FSIP2: variants seen among roughly 807,000 people sequenced by gnomAD.
FSIP2 encodes the protein fibrous sheath interacting protein 2.
In FSIP2, 367 loss-of-function variants were observed where a neutral mutation model predicts 510.5. The observed-to-expected ratio is 0.72, with a 90% CI of 0.66 to 0.78. The LOEUF (loss-of-function observed/expected upper bound fraction) is 0.78, where lower values mean the gene tolerates loss of function less well. FSIP2 is among the 30% of genes least tolerant of loss of function. The pLI, the probability that FSIP2 is intolerant of heterozygous loss-of-function variation, is 0.00. For missense variants in FSIP2, 7,594 were observed against 7,901.7 expected (o/e 0.96, Z 1.48); for synonymous variants, 2,601 against 2,732.2 (o/e 0.95, Z 1.50).
chr2:185,779,011 T>G lies in FSIP2; in HGVS notation c.1412-3694T>G, dbSNP rs1692785421. Among the ~76,000 whole-genome samples, 3 of 151,962 alleles carry G rather than the reference T, an allele frequency of 2.0e-5. No individual in the cohort carries two copies. In the South Asian group the frequency reaches 6.2e-4, roughly 31 times the overall value. Reference sequence around the variant, plus strand: ...GCAGTGACCTTTACCATAAGTTATGTTTTTTGCCTTAAATGTGTCTAATAT... The same window carrying G: ...GCAGTGACCTTTACCATAAGTTATGGTTTTTGCCTTAAATGTGTCTAATAT... On this transcript the variant is annotated intron_variant, in intron 13 of 22. Coordinates refer to ENST00000424728, the MANE Select transcript of FSIP2 (RefSeq NM_173651.4).
At position 185,796,870 on chromosome 2, in the gene FSIP2, G is replaced by C. The variant is rs747706343; in HGVS notation, c.9734G>C (p.Arg3245Thr). 220 of 1,534,936 alleles carry C rather than the reference G, an allele frequency of 1.4e-4. No individual in the cohort carries two copies. Among genetic ancestry groups the C allele is most frequent in the Non-Finnish European group, 1.9e-4 (217 of 1,146,240 alleles). Residue 3245 changes from arginine to threonine, a missense_variant, in exon 16 of 23, where the codon AGA (arginine) becomes ACA (threonine). Physicochemically the swap from Arg to Thr is moderately conservative, Grantham distance 71 (BLOSUM62 -1). Coordinates refer to ENST00000424728, the MANE Select transcript of FSIP2 (RefSeq NM_173651.4). Reference protein sequence around the residue: ...CSTRNKVQDHRPRESNFGSFD... With the variant: ...CSTRNKVQDHTPRESNFGSFD... ...ACTAGAAACAAAGTACAAGACCACAGACCAAGGGAATCTAACTTTGGTAGT... is the reference window on the plus strand; with the variant it reads ...ACTAGAAACAAAGTACAAGACCACACACCAAGGGAATCTAACTTTGGTAGT...
Position 185,792,946 on chromosome 2 carries a change from A to G in FSIP2, c.5810A>G (p.Lys1937Arg). Reference protein sequence around the residue: ...NLETFATSKVKSLFYSQVNFT... With the variant: ...NLETFATSKVRSLFYSQVNFT... ...GAAACTTTTGCTACTTCCAAAGTAA[A>G]ATCTCTCTTTTATTCTCAAGTCAAC... is the stretch of plus-strand genomic sequence containing the variant. Residue 1937 changes from lysine to arginine, a missense_variant, in exon 16 of 23, where the codon AAA becomes AGA. Coordinates refer to ENST00000424728, the MANE Select transcript of FSIP2 (RefSeq NM_173651.4). The G allele has an allele frequency of 6.5e-7, 1 of 1,534,284 alleles. No homozygotes were observed. Among genetic ancestry groups the G allele is most frequent in the South Asian group, 1.2e-5 (1 of 84,042 alleles).
rs970955671 is a variant in FSIP2 at position 185,794,165 on chromosome 2, A to G, written c.7029A>G (p.Leu2343=). 9.1e-6 allele frequency: 14 copies of G among 1,534,210 alleles called. No individual in the cohort carries two copies. The Admixed American group carries it at 1.6e-4, about 17-fold the overall frequency. Reference sequence around the variant, plus strand: ...AAAAACTTGGATCCACAATTCACCTATCGCAAGCTAGGCTTAAGACATATG... The same window carrying G: ...AAAAACTTGGATCCACAATTCACCTGTCGCAAGCTAGGCTTAAGACATATG... ...RREKLGSTIH[L]SQARLKTYAD... is the part of the protein sequence containing the mutation. Residue 2343 remains leucine, a synonymous_variant, in exon 16 of 23, where the codon CTA becomes CTG. Coordinates refer to ENST00000424728, the MANE Select transcript of FSIP2 (RefSeq NM_173651.4).
At chr2:185,744,519 AG>A (rs2105530085) in intron 4 of FSIP2, 108 bp downstream of exon 4, 1 of 263,764 alleles carries the variant, frequency 3.8e-6, no homozygotes, top group East Asian at 5.9e-5. Context: ...TTATTGACAA[AG>A]TAATTGAATA....
At chr2:185,781,819 A>C (rs780414418) in intron 13 of FSIP2, among the ~76,000 whole-genome samples, 10 of 149,652 alleles carry the variant, frequency 6.7e-5, no homozygotes, top group Non-Finnish European at 1.2e-4. Context: ...TTGTCTTCAC[A>C]TTTAATTTTC....
intron 13 of FSIP2, among the ~76,000 whole-genome samples, chr2:185,781,843 CT>C (rs199815434): frequency 3.5e-4 from 51 of 147,504 alleles, no homozygotes; most frequent in Admixed American, 4.0e-4. Context: ...TATGGGCACT[CT>C]TTTTTTTTTT....
At chr2:185,781,901 G>A (rs1019714161) in intron 13 of FSIP2, among the ~76,000 whole-genome samples, 5 of 151,380 alleles carry the variant, frequency 3.3e-5, no homozygotes, top group Non-Finnish European at 7.4e-5. Context: ...GCAGTGGCGC[G>A]ATCTCGGCTC....
chr2:185,747,263 ATTG>A (rs1195042921), intron 6 of FSIP2, 47 bp from the exon 7 acceptor site: 1 of 1,008,102 alleles, frequency 9.9e-7, no homozygotes, highest in Non-Finnish European at 1.5e-6. Flanking sequence ...ATACAAAGAT[ATTG>A]TTGTGAAAGG....
rs1444744823 is a variant in FSIP2 at position 185,803,935 on chromosome 2, T to C, written c.14629T>C (p.Tyr4877His). The change falls in exon 17 of 23, where the codon TAC becomes CAC. Residue 4877 changes from tyrosine (Y) to histidine (H), a missense_variant. Coordinates refer to ENST00000424728, the MANE Select transcript of FSIP2 (RefSeq NM_173651.4). ...TGCTGATCTTTCTCATTCAAATATATACCAGTCCATTACAAAAGATAAAAA... is the reference window on the plus strand; with the variant it reads ...TGCTGATCTTTCTCATTCAAATATACACCAGTCCATTACAAAAGATAAAAA... Reference protein sequence around the residue: ...IYADLSHSNIYQSITKDKKSI... With the variant: ...IYADLSHSNIHQSITKDKKSI... 2.0e-6 allele frequency: 3 copies of C among 1,515,440 alleles called. No homozygotes were observed. Among genetic ancestry groups the C allele is most frequent in the Admixed American group, 4.0e-5 (2 of 49,558 alleles). The allele number at this position is 1,515,440 out of a possible 1,614,324, so 93.9% of individuals were successfully genotyped here.
intron 16 of FSIP2, chr2:185,797,764 C>T: frequency 2.3e-6 from 1 of 432,320 alleles, no homozygotes; most frequent in Non-Finnish European, 4.2e-6. Context: ...TCATTGCTTC[C>T]TGCAGCCTTG....
intron 20 of FSIP2, among the ~76,000 whole-genome samples, chr2:185,826,408 A>C (rs1694013132): frequency 6.6e-6 from 1 of 151,728 alleles, no homozygotes; most frequent in South Asian, 2.1e-4. Context: ...CATTTTATAC[A>C]TTAATGGCCC....
At position 185,745,507 on chromosome 2, in the gene FSIP2, A is replaced by G; in HGVS notation, c.556A>G (p.Asn186Asp). 6.5e-7 allele frequency: 1 copy of G among 1,535,640 alleles called. No individual in the cohort carries two copies. Among genetic ancestry groups the G allele is most frequent in the South Asian group, 1.2e-5 (1 of 84,040 alleles). ...ACATTGTGATGTTGCACAAGTCCAA[A>G]ACTGGTTGTTAAAGGAGGGCACTGA... Reference protein sequence around the residue: ...PQHCDVAQVQNWLLKEGTESI... With the variant: ...PQHCDVAQVQDWLLKEGTESI... Residue 186 changes from asparagine (N) to aspartate (D), a missense_variant, in exon 5 of 23, where the codon AAC becomes GAC. Coordinates refer to ENST00000424728, the MANE Select transcript of FSIP2 (RefSeq NM_173651.4).
chr2:185,829,731 G>C (rs925262165), intron 21 of FSIP2, among the ~76,000 whole-genome samples: 3 of 151,908 alleles, frequency 2.0e-5, no homozygotes, highest in South Asian at 2.1e-4. Flanking sequence ...TGATTGAACT[G>C]GTTGTGCTTT....
rs1693261097 is a variant in FSIP2, at chr2:185,795,921, C to T, written c.8785C>T (p.Gln2929Ter). The T allele has an allele frequency of 6.5e-7, 1 of 1,534,030 alleles. No homozygotes were observed. Among genetic ancestry groups the T allele is most frequent in the African/African-American group, 1.4e-5 (1 of 72,834 alleles). ...EIVEMLLEKL[Q>*]LCFLSQIPTP... ...TGTTGAAATGCTACTTGAAAAACTA[C>T]AGCTATGCTTTCTGTCCCAAATTCC... Residue 2929 changes from glutamine to a stop codon, truncating the protein, a stop_gained, in exon 16 of 23, where the codon CAG becomes TAG. Coordinates refer to ENST00000424728, the MANE Select transcript of FSIP2 (RefSeq NM_173651.4). LOFTEE classifies it high-confidence loss of function.
intron 7 of FSIP2, 96 bp downstream of exon 7, chr2:185,747,519 C>T: frequency 3.2e-6 from 2 of 623,114 alleles, no homozygotes; most frequent in Non-Finnish European, 5.6e-6. Flanking sequence ...TGACTGTTGC[C>T]CAGTTACTCC....
chr2:185,823,185 C>T lies in FSIP2; in HGVS notation c.20427-1249C>T, dbSNP rs181484710. On this transcript the variant is annotated intron_variant, in intron 19 of 22. Transcript: ENST00000424728. ...TTCTTGTTGTTATGATACCAAAGCACAAGCAAGAAAAGAAAAATAGATATA... is the reference window on the plus strand; with the variant it reads ...TTCTTGTTGTTATGATACCAAAGCATAAGCAAGAAAAGAAAAATAGATATA... 4.0e-3 allele frequency among the ~76,000 whole-genome samples: 606 copies of T among 151,834 alleles called. 2 individuals carry two copies. The highest frequency in any genetic ancestry group is 5.9e-3 in the Non-Finnish European group (398 of 67,834).
intron 18 of FSIP2, 46 bp from the exon 19 acceptor site, chr2:185,815,325 T>C: frequency 1.2e-6 from 1 of 861,158 alleles, no homozygotes; most frequent in South Asian, 1.5e-5. Flanking sequence ...TAAGAAAATA[T>C]ATCCCAAACT....
chr2:185,803,727 A>G lies in FSIP2; in HGVS notation c.14421A>G (p.Pro4807=). 6.5e-7 allele frequency: 1 copy of G among 1,533,064 alleles called. No homozygotes were observed. The highest frequency in any genetic ancestry group is 1.4e-5 in the African/African-American group (1 of 72,952). 95.0% of individuals were successfully genotyped at this position (1,533,064 alleles called of 1,614,324 possible). ...IVTQLTSQIS[P]LNTSAEQSDT... is the part of the protein sequence containing the mutation. Reference sequence around the variant, plus strand: ...CTCAGCTTACATCTCAGATAAGTCCATTGAACACCAGTGCAGAGCAGTCAG... The same window carrying G: ...CTCAGCTTACATCTCAGATAAGTCCGTTGAACACCAGTGCAGAGCAGTCAG... Residue 4807 remains proline, a synonymous_variant, in exon 17 of 23, where the codon CCA becomes CCG. Coordinates refer to ENST00000424728, the MANE Select transcript of FSIP2 (RefSeq NM_173651.4).
chr2:185,791,067 G>T lies in FSIP2; in HGVS notation c.3931G>T (p.Glu1311Ter). The T allele has an allele frequency of 6.5e-7, 1 of 1,531,958 alleles. No homozygotes were observed. Among genetic ancestry groups the T allele is most frequent in the South Asian group, 1.2e-5 (1 of 83,514 alleles). 94.9% of individuals were successfully genotyped at this position (1,531,958 alleles called of 1,614,324 possible). Residue 1311 changes from glutamate to a stop codon, truncating the protein, a stop_gained, in exon 16 of 23, where the codon GAA becomes TAA. Coordinates refer to ENST00000424728, the MANE Select transcript of FSIP2 (RefSeq NM_173651.4). LOFTEE classifies it high-confidence loss of function. ...TTTATGTGCTATCCAGAATGAACTG[G>T]AACTTCACAAGGAAAACCTAAATCT... Reference protein sequence around the residue: ...IVLCAIQNELELHKENLNLRE... With the variant: ...IVLCAIQNEL
Sources: gnomAD v4.1 joint callset for allele counts (sites outside exome capture counted in the v4.1 genomes callset) on GRCh38, gnomAD v4.1.1 for gene constraint, MANE v1.5 for transcripts, NCBI Gene and HGNC (gene_info 2026-07-23, HGNC 2026-07-21) for gene names.